Variants in ECHS1 observed in about 807,000 individuals in gnomAD.
The protein encoded by ECHS1 is enoyl-CoA hydratase, short chain 1.
In ECHS1, 19 loss-of-function variants were observed where a neutral mutation model predicts 33.5. The observed-to-expected ratio is 0.57, with a 90% confidence interval of 0.40 to 0.83. The LOEUF (loss-of-function observed/expected upper bound fraction) is 0.83. Among genes scored for constraint, ECHS1 ranks in the 40% least tolerant of loss-of-function variants. ECHS1 has a pLI of 0.00. For missense variants in ECHS1, 365 were observed against 381.3 expected, an observed-to-expected ratio of 0.96 and a Z score of 0.36; for synonymous variants, 158 against 146.6, an observed-to-expected ratio of 1.08 and a Z score of -0.56.
At chr10:133,369,049 T>A in intron 3 of ECHS1, 27 bp from the exon 4 acceptor site, 1 of 1,603,922 alleles carries the variant, frequency 6.2e-7, no homozygotes, top group Non-Finnish European at 8.5e-7. Flanking sequence ...ATCAGGAGAG[T>A]CTTACCAGGG....
At chr10:133,370,875 G>T in intron 1 of ECHS1, 118 bp from the exon 2 acceptor site, 1 of 987,826 alleles carries the variant, frequency 1.0e-6, no homozygotes, top group Non-Finnish European at 1.5e-6. Flanking sequence ...CCCTCTGAGG[G>T]CTCCCTGCCG....
At chr10:133,366,832 T>C in intron 5 of ECHS1, 57 bp downstream of exon 5, 1 of 1,414,312 alleles carries the variant, frequency 7.1e-7, no homozygotes. Context: ...CCTGGGTTTC[T>C]GTGGGGCTCC....
Position 133,362,775 on chromosome 10 carries a change from GC to G in ECHS1, c.*92del, listed in dbSNP as rs1848981767. ...AGAGGAACTGCACACCACGGACACTGCTCTTGAAAAGAGGATGATTTACTTG... is the reference window on the plus strand; with the variant it reads ...AGAGGAACTGCACACCACGGACACTGTCTTGAAAAGAGGATGATTTACTTG... On this transcript the variant is annotated 3_prime_UTR_variant, in exon 8 of 8. Coordinates refer to ENST00000368547, the MANE Select transcript of ECHS1 (RefSeq NM_004092.4). 6 of 1,409,516 alleles carry G rather than the reference GC, an allele frequency of 4.3e-6. No homozygotes were observed. Among genetic ancestry groups the G allele is most frequent in the Non-Finnish European group, 6.0e-6 (6 of 994,642 alleles). 87.3% of individuals were successfully genotyped at this position (1,409,516 alleles called of 1,614,324 possible). A position where few individuals can be genotyped will look rare whatever the true frequency, so the allele number is the denominator to read the frequency against.
At chr10:133,367,714 C>T (rs1206840328) in intron 4 of ECHS1, among the ~76,000 whole-genome samples, 2 of 151,736 alleles carry the variant, frequency 1.3e-5, no homozygotes, top group Non-Finnish European at 2.9e-5. Context: ...ACTCCTTGTC[C>T]ACTTTCATGC....
chr10:133,370,593 T>G lies in ECHS1; in HGVS notation c.253A>C (p.Ile85Leu). 6.2e-7 allele frequency: 1 copy of G among 1,607,722 alleles called. No homozygotes were observed. The highest frequency in any genetic ancestry group is 8.5e-7 in the Non-Finnish European group (1 of 1,177,654). ...GCCTTATCCCCGCCGGTGAGGACAATGGCCCCCACGGCCGGGTCCTCCTCG... is the reference window on the plus strand; with the variant it reads ...GCCTTATCCCCGCCGGTGAGGACAAGGGCCCCCACGGCCGGGTCCTCCTCG... ...TFEEDPAVGAIVLTGGDKAFA... is the reference protein window; with the variant it reads ...TFEEDPAVGALVLTGGDKAFA... Residue 85 changes from isoleucine (I) to leucine (L), a missense_variant, in exon 2 of 8, where the codon ATT becomes CTT. By Grantham distance (5) the Ile-to-Leu change is conservative. Transcript: ENST00000368547.
At chr10:133,371,032 A>C (rs936774995) in intron 1 of ECHS1, among the ~76,000 whole-genome samples, 5 of 152,288 alleles carry the variant, frequency 3.3e-5, no homozygotes, top group South Asian at 2.1e-4. Flanking sequence ...AATCCCAGCA[A>C]TTTGGGAGGC....
At position 133,362,850 on chromosome 10, in the gene ECHS1, A is replaced by G. The variant is rs2133437223; in HGVS notation, c.*18T>C. On this transcript the variant is annotated 3_prime_UTR_variant, in exon 8 of 8. Coordinates refer to ENST00000368547, the MANE Select transcript of ECHS1 (RefSeq NM_004092.4). ...TTGTCCTCTCCAAGCAGAGGTGTGA[A>G]GCAGGGGCAGCTGGTTCTCACTGGT... is the stretch of plus-strand genomic sequence containing the variant. 3 of 1,613,904 alleles carry G rather than the reference A, an allele frequency of 1.9e-6. No homozygotes were observed. Among genetic ancestry groups the G allele is most frequent in the Non-Finnish European group, 2.5e-6 (3 of 1,179,812 alleles).
chr10:133,373,329 G>T lies in ECHS1; in HGVS notation c.5C>A (p.Ala2Asp), dbSNP rs587776498. 6.7e-7 allele frequency: 1 copy of T among 1,502,740 alleles called. No homozygotes were observed. Among genetic ancestry groups the T allele is most frequent in the South Asian group, 1.2e-5 (1 of 81,562 alleles). The allele number at this position is 1,502,740 out of a possible 1,614,324, so 93.1% of individuals were successfully genotyped here. M[A>D]ALRVLLSCVR... ...GCAGGACAGCAGGACACGCAGGGCGGCCATGGCTCTCTGGACTCCTCGCCC... is the reference window on the plus strand; with the variant it reads ...GCAGGACAGCAGGACACGCAGGGCGTCCATGGCTCTCTGGACTCCTCGCCC... The change falls in exon 1 of 8, where the codon GCC becomes GAC. Residue 2 changes from alanine to aspartate, a missense_variant. By Grantham distance (126) the Ala-to-Asp change is moderately radical. Transcript: ENST00000368547.
intron 3 of ECHS1, among the ~76,000 whole-genome samples, chr10:133,369,225 T>C (rs1236763007): frequency 1.3e-5 from 2 of 152,198 alleles, no homozygotes; most frequent in Non-Finnish European, 2.9e-5. Context: ...GCAAACATCC[T>C]GTAAAGGACC....
intron 6 of ECHS1, among the ~76,000 whole-genome samples, chr10:133,365,611 AGCC>A (rs1233449283): frequency 6.6e-6 from 1 of 152,204 alleles, no homozygotes; most frequent in Non-Finnish European, 1.5e-5. Context: ...GCGCACACGC[AGCC>A]GCCAACCCCA....
In ECHS1 at chr10:133,370,552, G is replaced by T. The variant is rs189727187; in HGVS notation, c.286+8C>A. 6.5e-7 allele frequency: 1 copy of T among 1,542,812 alleles called. No homozygotes were observed. The highest frequency in any genetic ancestry group is 8.7e-7 in the Non-Finnish European group (1 of 1,143,182). ...CCCAGACACAAAGGCCTCTGCTGCC[G>T]CGCGTACCTGCAAAGGCCTTATCCC... On this transcript the variant is annotated splice_region_variant and intron_variant, in intron 2 of 7. Coordinates refer to ENST00000368547, the MANE Select transcript of ECHS1 (RefSeq NM_004092.4).
rs2133440545 is a variant in ECHS1, at chr10:133,366,876, C to T, written c.619+13G>A. 2 of 1,604,468 alleles carry T rather than the reference C, an allele frequency of 1.2e-6. No homozygotes were observed. On this transcript the variant is annotated intron_variant, in intron 5 of 7. Transcript: ENST00000368547. ...GTTTCCAGGTGGCTCTTGCGGGCAG[C>T]CCCAACCCATACCTGCTTGCTTGGC...
Position 133,373,221 on chromosome 10 carries a change from C to T in ECHS1, c.88+25G>A, listed in dbSNP as rs201315896. On this transcript the variant is annotated intron_variant, in intron 1 of 7. Coordinates refer to ENST00000368547, the MANE Select transcript of ECHS1 (RefSeq NM_004092.4). ...GGTCGGAGTCAGGAGGAGATTCGGG[C>T]CGCCAGCTCTCACCGCGCACTCACC... 49 of 1,405,098 alleles carry T rather than the reference C, an allele frequency of 3.5e-5. No homozygotes were observed. The East Asian group carries it at 1.3e-3, about 37-fold the overall frequency. 87.0% of individuals were successfully genotyped at this position (1,405,098 alleles called of 1,614,324 possible).
chr10:133,369,901 C>G lies in ECHS1; in HGVS notation c.414+3G>C, dbSNP rs786204002. On this transcript the variant is annotated splice_donor_region_variant and intron_variant, in intron 3 of 7. Coordinates refer to ENST00000368547, the MANE Select transcript of ECHS1 (RefSeq NM_004092.4). ...GGAGGAGACTCTTGGCAGCAACACT[C>G]ACGGCATAGCCATTGACAGCAGCGA... The G allele has an allele frequency of 6.2e-7, 1 of 1,613,228 alleles. No individual in the cohort carries two copies. Among genetic ancestry groups the G allele is most frequent in the Non-Finnish European group, 8.5e-7 (1 of 1,179,822 alleles).
chr10:133,365,601 G>A (rs889838181), intron 6 of ECHS1, among the ~76,000 whole-genome samples: 1 of 152,264 alleles, frequency 6.6e-6, no homozygotes. Flanking sequence ...CACCTGCCAG[G>A]CGCACACGCA....
intron 5 of ECHS1, 34 bp from the exon 6 acceptor site, chr10:133,366,129 G>GA (rs1162583795): frequency 2.3e-5 from 37 of 1,607,578 alleles, no homozygotes; most frequent in Non-Finnish European, 3.0e-5. Context: ...GTGATGTGCA[G>GA]AAACAGCACT....
chr10:133,364,587 TAA>T, intron 7 of ECHS1, 69 bp downstream of exon 7: 1 of 1,247,566 alleles, frequency 8.0e-7, no homozygotes, highest in Non-Finnish European at 1.2e-6. Context: ...TGATAAAATT[TAA>T]AAGGAAATTC....
intron 2 of ECHS1, 103 bp downstream of exon 2, chr10:133,370,457 C>T (rs780905656): frequency 4.4e-5 from 55 of 1,255,938 alleles, no homozygotes; most frequent in Non-Finnish European, 5.7e-5. Flanking sequence ...CAGTCGCATG[C>T]CTCTGCCATC....
chr10:133,370,916 G>A (rs1317099136), intron 1 of ECHS1, among the ~76,000 whole-genome samples, 159 bp from the exon 2 acceptor site: 2 of 152,158 alleles, frequency 1.3e-5, no homozygotes, highest in Non-Finnish European at 2.9e-5. Flanking sequence ...GTAGCTCTCA[G>A]CCACAAGGAT....
Sources: allele counts gnomAD v4.1 joint callset (sites outside exome capture counted in the v4.1 genomes callset), GRCh38; gene constraint gnomAD v4.1.1; transcripts MANE v1.5; gene names NCBI Gene and HGNC (gene_info 2026-07-23, HGNC 2026-07-21).